CNTNAP2: variants seen among roughly 807,000 people sequenced by gnomAD.
CNTNAP2 encodes contactin associated protein 2, also known as contactin-associated protein-like 2.
CNTNAP2 carries 98 observed loss-of-function variants against 155.2 expected under a neutral mutation model. That is an observed-to-expected ratio of 0.63 (90% CI 0.54 to 0.75). The LOEUF (loss-of-function observed/expected upper bound fraction) is 0.75. CNTNAP2 is among the 30% of genes least tolerant of loss of function. The probability of loss-of-function intolerance (pLI) is 0.00; values close to 1 mark genes in which losing one functional copy is unlikely to be tolerated. For synonymous variants in CNTNAP2, 651 were observed against 631.2 expected (o/e 1.03, Z -0.47); for missense variants, 1,727 against 1,688.1 (o/e 1.02, Z -0.40).
At chr7:147,727,898 G>T (rs796861709) in intron 13 of CNTNAP2, among the ~76,000 whole-genome samples, 13 of 152,102 alleles carry the variant, frequency 8.5e-5, no homozygotes, top group African/African-American at 3.1e-4. Context: ...AATATTGGTG[G>T]TAGATTGCAT....
At chr7:148,135,188 T>C (rs906769407) in intron 16 of CNTNAP2, among the ~76,000 whole-genome samples, 5 of 152,196 alleles carry the variant, frequency 3.3e-5, no homozygotes, top group Non-Finnish European at 7.3e-5. Context: ...ATATAAAGCA[T>C]AGAAATTTCC....
intron 21 of CNTNAP2, among the ~76,000 whole-genome samples, chr7:148,366,958 C>T (rs750868038): frequency 1.8e-4 from 28 of 152,194 alleles, no homozygotes; most frequent in Admixed American, 3.9e-4. Context: ...CACAGCTGTG[C>T]GCGGTGGCTC....
intron 8 of CNTNAP2, among the ~76,000 whole-genome samples, chr7:147,143,677 A>T (rs1801644955): frequency 1.3e-5 from 2 of 152,222 alleles, no homozygotes; most frequent in Admixed American, 1.3e-4. Context: ...AGAGTAGCAA[A>T]TATCTCAAAG....
At chr7:147,113,292 C>A (rs188069960) in intron 5 of CNTNAP2, among the ~76,000 whole-genome samples, 1 of 152,002 alleles carries the variant, frequency 6.6e-6, no homozygotes, top group South Asian at 2.1e-4. Context: ...GGTGATGCCC[C>A]CCTTACGATT....
chr7:146,816,200 G>C (rs1462749141), intron 2 of CNTNAP2, among the ~76,000 whole-genome samples: 1 of 152,006 alleles, frequency 6.6e-6, no homozygotes, highest in Non-Finnish European at 1.5e-5. Flanking sequence ...CTTTTTATAT[G>C]TCTGGTACTC....
intron 2 of CNTNAP2, among the ~76,000 whole-genome samples, chr7:146,775,280 CTTGAAAA>C (rs1258398443): frequency 6.6e-6 from 1 of 152,010 alleles, no homozygotes; most frequent in African/African-American, 2.4e-5. Context: ...ATGTTGCATC[CTTGAAAA>C]TTGCTAAAGT....
intron 14 of CNTNAP2, among the ~76,000 whole-genome samples, chr7:147,905,906 C>G (rs1185743888): frequency 1.4e-5 from 2 of 143,288 alleles, no homozygotes; most frequent in Non-Finnish European, 3.1e-5. Context: ...AACAAACAAA[C>G]AAACAAACAA....
intron 8 of CNTNAP2, 118 bp from the exon 9 acceptor site, chr7:147,300,023 A>T (rs1794912525): frequency 9.3e-7 from 1 of 1,071,482 alleles, no homozygotes; most frequent in African/African-American, 1.6e-5. Context: ...TGTAAGCAGC[A>T]CTGTATTTTC....
intron 13 of CNTNAP2, among the ~76,000 whole-genome samples, chr7:147,873,277 A>G (rs969546476): frequency 3.3e-5 from 5 of 152,226 alleles, no homozygotes; most frequent in Non-Finnish European, 2.9e-5. Flanking sequence ...AAAATGTAAA[A>G]TATAAAATTG....
At chr7:146,536,955 A>G (rs1051909498) in intron 1 of CNTNAP2, among the ~76,000 whole-genome samples, 1 of 152,160 alleles carries the variant, frequency 6.6e-6, no homozygotes, top group Non-Finnish European at 1.5e-5. Flanking sequence ...AATCCCAAAT[A>G]TGAAATTAGC....
chr7:147,504,033 T>TTTCAAACCA (rs1467320478), intron 11 of CNTNAP2, among the ~76,000 whole-genome samples: 2 of 152,188 alleles, frequency 1.3e-5, no homozygotes, highest in Non-Finnish European at 1.5e-5. Flanking sequence ...AGAGCCACAA[T>TTTCAAACCA]TTCAAACCAT....
chr7:146,390,401 A>G (rs2129106476), intron 1 of CNTNAP2, among the ~76,000 whole-genome samples: 1 of 152,162 alleles, frequency 6.6e-6, no homozygotes, highest in Non-Finnish European at 1.5e-5. Flanking sequence ...GATGAGACCC[A>G]TTGACGACTG....
chr7:146,665,788 A>AAAAAAAAACAAAAAAAAAAAAAAAAC (rs1563179416), intron 1 of CNTNAP2, among the ~76,000 whole-genome samples: 2 of 142,036 alleles, frequency 1.4e-5, no homozygotes, highest in African/African-American at 2.7e-5. Context: ...CTCATTAAAA[A>AAAAAAAAACAAAAAAAAAAAAAAAAC]AAAAAAAAAA....
intron 2 of CNTNAP2, among the ~76,000 whole-genome samples, chr7:146,774,876 A>G (rs1186170132): frequency 1.3e-5 from 2 of 152,332 alleles, no homozygotes; most frequent in South Asian, 2.1e-4. Flanking sequence ...AAAAATCGTT[A>G]GATGTGTGCA....
intron 20 of CNTNAP2, among the ~76,000 whole-genome samples, chr7:148,234,334 G>T (rs1208658983): frequency 2.0e-5 from 3 of 152,148 alleles, no homozygotes; most frequent in Non-Finnish European, 4.4e-5. Context: ...ACCTCTGGCT[G>T]GTAAGAAATT....
intron 1 of CNTNAP2, among the ~76,000 whole-genome samples, chr7:146,682,819 TAAA>T (rs1800528611): frequency 6.6e-6 from 1 of 152,198 alleles, no homozygotes; most frequent in South Asian, 2.1e-4. Context: ...AATTCAATAT[TAAA>T]GACCTTCTTT....
intron 1 of CNTNAP2, among the ~76,000 whole-genome samples, chr7:146,194,010 C>T (rs538967019): frequency 6.6e-6 from 1 of 152,330 alleles, no homozygotes; most frequent in East Asian, 1.9e-4. Flanking sequence ...AGTTCCTCAT[C>T]TCCATCTGAG....
chr7:146,853,746 A>G (rs1794925375), intron 3 of CNTNAP2, among the ~76,000 whole-genome samples: 1 of 151,994 alleles, frequency 6.6e-6, no homozygotes, highest in East Asian at 1.9e-4. Context: ...TGAGGGGTTT[A>G]TTTTGTCCTG....
chr7:146,880,006 T>C (rs531963563), intron 3 of CNTNAP2, among the ~76,000 whole-genome samples: 1 of 152,150 alleles, frequency 6.6e-6, no homozygotes, highest in South Asian at 2.1e-4. Context: ...CTCGTAAGAC[T>C]TATTCACTAC....
Sources: allele counts gnomAD v4.1 joint callset (sites outside exome capture counted in the v4.1 genomes callset), GRCh38; gene constraint gnomAD v4.1.1; transcripts MANE v1.5; gene names NCBI Gene and HGNC (gene_info 2026-07-23, HGNC 2026-07-21).